Variants in CUX2 observed in about 807,000 individuals in gnomAD.
CUX2 encodes the protein homeobox protein cut-like 2.
In CUX2, 40 loss-of-function variants were observed where a neutral mutation model predicts 144.8. The ratio of observed to expected loss-of-function variants is 0.28; its 90% CI spans 0.21 to 0.36. CUX2 has a LOEUF of 0.36. CUX2 is among the 10% of genes least tolerant of loss of function. The pLI, the probability that CUX2 is intolerant of heterozygous loss-of-function variation, is 1.00. For missense variants in CUX2, 1,615 were observed against 1,994.0 expected (o/e 0.81, Z 3.62); for synonymous variants, 827 against 875.6 (o/e 0.94, Z 0.98).
In CUX2 at chr12:111,141,227, A is replaced by AACACACACACACACACACAC. The variant is rs111451932; in HGVS notation, c.64-72963_64-72944dup. 6.5e-3 allele frequency among the ~76,000 whole-genome samples: 951 copies of AACACACACACACACACACAC among 147,410 alleles called. 17 individuals carry two copies. The highest frequency in any genetic ancestry group is 0.023 in the African/African-American group (915 of 40,322). ...AATTAGGGACTCAGGGGCTTAGGTCAACACACACACACACACACACACACA... is the reference window on the plus strand; with the variant it reads ...AATTAGGGACTCAGGGGCTTAGGTCAACACACACACACACACACACACACACACACACACACACACACACA... On this transcript the variant is annotated intron_variant, in intron 1 of 21. Coordinates refer to ENST00000261726, the MANE Select transcript of CUX2 (RefSeq NM_015267.4).
intron 3 of CUX2, among the ~76,000 whole-genome samples, chr12:111,260,122 C>CA (rs112930226): frequency 0.032 from 4,790 of 151,360 alleles, 109 homozygotes; most frequent in African/African-American, 0.052. Flanking sequence ...GAGATCACAC[C>CA]ACTGCACTCC....
At chr12:111,244,427 G>A (rs551344811) in intron 3 of CUX2, among the ~76,000 whole-genome samples, 201 of 152,354 alleles carry the variant, frequency 1.3e-3, no homozygotes, top group African/African-American at 4.4e-3. Flanking sequence ...CCATGTTGTC[G>A]CTAGATAGCA....
intron 1 of CUX2, chr12:111,099,746 G>A (rs544515431): frequency 2.0e-5 from 9 of 453,814 alleles, no homozygotes; most frequent in Non-Finnish European, 3.6e-5. Context: ...GGGCCTGCAC[G>A]GATGGTGTAA....
At chr12:111,321,296 A>G (rs1887515940) in intron 17 of CUX2, among the ~76,000 whole-genome samples, 1 of 152,056 alleles carries the variant, frequency 6.6e-6, no homozygotes, top group Non-Finnish European at 1.5e-5. Flanking sequence ...GTGAAACCCC[A>G]TCTCTACTAA....
chr12:111,056,387 G>T (rs946484078), intron 1 of CUX2, among the ~76,000 whole-genome samples: 1 of 152,222 alleles, frequency 6.6e-6, no homozygotes, highest in African/African-American at 2.4e-5. Context: ...CTTCATCTGG[G>T]CAGATTCAAC....
chr12:111,146,729 T>A (rs1388090807), intron 1 of CUX2, among the ~76,000 whole-genome samples: 2 of 152,224 alleles, frequency 1.3e-5, no homozygotes, highest in East Asian at 3.9e-4. Context: ...GGTCCCAGAG[T>A]CAGACCCCGT....
chr12:111,275,330 T>C (rs1187733184), intron 4 of CUX2, among the ~76,000 whole-genome samples: 1 of 152,160 alleles, frequency 6.6e-6, no homozygotes, highest in Non-Finnish European at 1.5e-5. Context: ...CACTTTAGAT[T>C]TGGGGTCTGT....
chr12:111,347,506 C>T lies in CUX2; in HGVS notation c.3660-18C>T, dbSNP rs538031302. On this transcript the variant is annotated intron_variant, in intron 21 of 21. Transcript: ENST00000261726. ...AGTCCCCTGTCCAGCCCCAGGCTCA[C>T]CGCCGTCTCTGCCCCAGGTCCCGGA... 1.3e-6 allele frequency: 2 copies of T among 1,566,852 alleles called. No individual in the cohort carries two copies. The highest frequency in any genetic ancestry group is 1.4e-5 in the African/African-American group (1 of 73,782).
chr12:111,334,256 A>G (rs992493032), intron 18 of CUX2, among the ~76,000 whole-genome samples, 185 bp from the exon 19 acceptor site: 7 of 152,016 alleles, frequency 4.6e-5, no homozygotes, highest in African/African-American at 1.4e-4. Context: ...ATCCCAGTCC[A>G]GTCCTCATCA....
chr12:111,192,279 A>T (rs1036799699), intron 1 of CUX2, among the ~76,000 whole-genome samples: 5 of 151,948 alleles, frequency 3.3e-5, no homozygotes, highest in Non-Finnish European at 7.4e-5. Flanking sequence ...AGCACACACC[A>T]CCGACGCCCA....
At chr12:111,308,561 G>C in intron 14 of CUX2, 35 bp downstream of exon 14, 1 of 1,565,250 alleles carries the variant, frequency 6.4e-7, no homozygotes. Context: ...CTGAGGGCTG[G>C]GGCGGGGGCT....
intron 21 of CUX2, among the ~76,000 whole-genome samples, chr12:111,345,080 T>A (rs969895374): frequency 8.6e-5 from 13 of 151,082 alleles, no homozygotes; most frequent in Non-Finnish European, 1.8e-4. Context: ...GTTTTTGCCA[T>A]TTTTTAAAAA....
intron 1 of CUX2, among the ~76,000 whole-genome samples, chr12:111,172,159 G>A (rs974803503): frequency 6.6e-6 from 1 of 152,208 alleles, no homozygotes; most frequent in African/African-American, 2.4e-5. Context: ...GTGCCTCTGT[G>A]TGTGTGTTTG....
chr12:111,151,879 A>G (rs1290018318), intron 1 of CUX2, among the ~76,000 whole-genome samples: 1 of 152,134 alleles, frequency 6.6e-6, no homozygotes, highest in Non-Finnish European at 1.5e-5. Flanking sequence ...TCATTCGAGT[A>G]TTTACTGAGG....
Position 111,263,912 on chromosome 12 carries a change from C to G in CUX2, c.301+73C>G. Reference sequence around the variant, plus strand: ...AGCCATTAGGACTGTGACACAGGGACTTTGAGGTGGGATGTGGGGACATGC... The same window carrying G: ...AGCCATTAGGACTGTGACACAGGGAGTTTGAGGTGGGATGTGGGGACATGC... On this transcript the variant is annotated intron_variant, in intron 4 of 21. Transcript: ENST00000261726. This position sits in a 1 kb window ranked among gnomAD's most constrained non-coding sequence, Gnocchi z 4.0. 2 of 1,407,312 alleles carry G rather than the reference C, an allele frequency of 1.4e-6. No homozygotes were observed. The highest frequency in any genetic ancestry group is 2.0e-6 in the Non-Finnish European group (2 of 992,748). The allele number at this position is 1,407,312 out of a possible 1,614,324, so 87.2% of individuals were successfully genotyped here.
intron 1 of CUX2, among the ~76,000 whole-genome samples, chr12:111,147,657 G>A (rs764581878): frequency 2.6e-5 from 4 of 152,244 alleles, no homozygotes; most frequent in Non-Finnish European, 5.9e-5. Context: ...GAGGAGACAG[G>A]ATGAAGATGG....
chr12:111,129,708 TGCA>T (rs1195609561), intron 1 of CUX2, among the ~76,000 whole-genome samples: 1 of 152,234 alleles, frequency 6.6e-6, no homozygotes, highest in Non-Finnish European at 1.5e-5. Flanking sequence ...CCTCTAGGAA[TGCA>T]GGATTACTTT....
chr12:111,297,862 T>G (rs1266924758), intron 8 of CUX2, among the ~76,000 whole-genome samples: 1 of 152,046 alleles, frequency 6.6e-6, no homozygotes, highest in Non-Finnish European at 1.5e-5. Context: ...AGGGAAGAAC[T>G]GGGGATGGGA....
At chr12:111,173,889 G>A (rs1878689967) in intron 1 of CUX2, among the ~76,000 whole-genome samples, 1 of 152,194 alleles carries the variant, frequency 6.6e-6, no homozygotes, top group Non-Finnish European at 1.5e-5. Context: ...GAGACTTTGG[G>A]AACCACTGAA....
Sources: gnomAD v4.1 joint callset for allele counts (sites outside exome capture counted in the v4.1 genomes callset) on GRCh38, gnomAD v4.1.1 for gene constraint, Gnocchi (gnomAD v3.1) non-coding constraint, MANE v1.5 for transcripts, NCBI Gene and HGNC (gene_info 2026-07-23, HGNC 2026-07-21) for gene names.